Variants in STK32B observed in about 807,000 individuals in gnomAD.
STK32B encodes serine/threonine kinase 32B.
A neutral mutation model predicts 52.6 loss-of-function variants in STK32B; 43 were observed. The ratio of observed to expected loss-of-function variants is 0.82; its 90% CI spans 0.64 to 1.05. STK32B has a LOEUF of 1.05. Ranked by LOEUF, STK32B falls within the 50% of genes least tolerant of loss-of-function variation. The probability of loss-of-function intolerance (pLI) is 0.00; values close to 1 mark genes in which losing one functional copy is unlikely to be tolerated. For missense variants in STK32B, 621 were observed against 534.6 expected (o/e 1.16, Z -1.59); for synonymous variants, 238 against 204.3 (o/e 1.17, Z -1.41).
chr4:5,121,045 C>A (rs948229816), intron 1 of STK32B, among the ~76,000 whole-genome samples: 26 of 152,208 alleles, frequency 1.7e-4, no homozygotes, highest in Non-Finnish European at 1.8e-4. Context: ...AGTGTACATT[C>A]AATCTAGTCA....
At chr4:5,288,910 T>A (rs1389156340) in intron 3 of STK32B, among the ~76,000 whole-genome samples, 1 of 152,230 alleles carries the variant, frequency 6.6e-6, no homozygotes, top group Non-Finnish European at 1.5e-5. Context: ...TATCTTGAGT[T>A]TAAAGCAAGT....
intron 3 of STK32B, among the ~76,000 whole-genome samples, chr4:5,267,662 T>C (rs1727143040): frequency 1.3e-5 from 2 of 152,238 alleles, no homozygotes; most frequent in Admixed American, 1.3e-4. Context: ...ATTCTGGTTA[T>C]GCAAGTCTCC....
At chr4:5,217,174 C>T (rs1473526962) in intron 3 of STK32B, among the ~76,000 whole-genome samples, 3 of 152,152 alleles carry the variant, frequency 2.0e-5, no homozygotes, top group Admixed American at 2.0e-4. Context: ...TTATACAATA[C>T]ATAATTTGAA....
chr4:5,393,554 A>G (rs546979684), intron 4 of STK32B, among the ~76,000 whole-genome samples: 21 of 152,234 alleles, frequency 1.4e-4, no homozygotes, highest in African/African-American at 4.6e-4. Context: ...GATGGTGGCA[A>G]AAGGCAAAGT....
At chr4:5,447,613 G>T (rs1190817094) in intron 7 of STK32B, among the ~76,000 whole-genome samples, 1 of 152,210 alleles carries the variant, frequency 6.6e-6, no homozygotes, top group Non-Finnish European at 1.5e-5. Context: ...TCTAGCCTAG[G>T]TGACAGAGTG....
Position 5,394,490 on chromosome 4 carries a change from T to C in STK32B, c.435-3717T>C, listed in dbSNP as rs1277235791. On this transcript the variant is annotated intron_variant, in intron 4 of 11. Coordinates refer to ENST00000282908, the MANE Select transcript of STK32B (RefSeq NM_018401.3). The surrounding 1 kb of genome is among the most constrained non-coding windows in gnomAD (Gnocchi z 4.2). Reference sequence around the variant, plus strand: ...TGCTTTACCCATAAAATGCTATTCTTATTAAATCCCAAGTGATTCAGATTC... The same window carrying C: ...TGCTTTACCCATAAAATGCTATTCTCATTAAATCCCAAGTGATTCAGATTC... 6.6e-6 allele frequency among the ~76,000 whole-genome samples: 1 copy of C among 152,212 alleles called. No homozygotes were observed. The highest frequency in any genetic ancestry group is 1.5e-5 in the Non-Finnish European group (1 of 68,042).
intron 3 of STK32B, among the ~76,000 whole-genome samples, chr4:5,177,892 T>G (rs992081273): frequency 1.3e-5 from 2 of 152,244 alleles, no homozygotes; most frequent in Non-Finnish European, 2.9e-5. Flanking sequence ...TCTGTGGCTT[T>G]GCAGGGTACA....
chr4:5,498,931 G>C lies in STK32B; in HGVS notation c.1107-14G>C. ...CATGCCGCACCACTAACTCAGATCT[G>C]TGCTTGTTTGCAGGCTCAGGAGGCA... On this transcript the variant is annotated splice_polypyrimidine_tract_variant and intron_variant, in intron 11 of 11. Transcript: ENST00000282908. 1 of 1,610,136 alleles carries C rather than the reference G, an allele frequency of 6.2e-7. No homozygotes were observed. The highest frequency in any genetic ancestry group is 8.5e-7 in the Non-Finnish European group (1 of 1,177,930).
intron 3 of STK32B, among the ~76,000 whole-genome samples, chr4:5,322,346 AC>A (rs1444454477): frequency 6.6e-6 from 1 of 152,106 alleles, no homozygotes; most frequent in African/African-American, 2.4e-5. Context: ...GCTGGCTGTT[AC>A]ATTTTTAAGA....
intron 3 of STK32B, among the ~76,000 whole-genome samples, chr4:5,240,188 T>C (rs1724921683): frequency 6.6e-6 from 1 of 152,130 alleles, no homozygotes; most frequent in African/African-American, 2.4e-5. Flanking sequence ...GGAATTTTTT[T>C]ACTCATCTCT....
intron 3 of STK32B, among the ~76,000 whole-genome samples, chr4:5,283,734 C>T (rs1728361572): frequency 6.6e-6 from 1 of 152,138 alleles, no homozygotes. Context: ...GAGTATTTTA[C>T]CTGGCAATCT....
chr4:5,452,279 G>C (rs139231804), intron 7 of STK32B, among the ~76,000 whole-genome samples: 1 of 152,184 alleles, frequency 6.6e-6, no homozygotes, highest in Non-Finnish European at 1.5e-5. Context: ...AGGCCAGCGA[G>C]TGGAGGGAGG....
At chr4:5,265,477 C>T (rs1726999997) in intron 3 of STK32B, among the ~76,000 whole-genome samples, 1 of 152,166 alleles carries the variant, frequency 6.6e-6, no homozygotes, top group South Asian at 2.1e-4. Flanking sequence ...CATCCATCCA[C>T]CTCCAGTTGG....
the STK32B span, among the ~76,000 whole-genome samples, chr4:5,029,610 C>G: frequency 1.3e-5 from 2 of 152,140 alleles, no homozygotes; most frequent in African/African-American, 2.4e-5. Context: ...ACCCATACAG[C>G]CTGGAAGCCG....
chr4:5,140,224 A>C, intron 2 of STK32B: 3 of 1,474,320 alleles, frequency 2.0e-6, no homozygotes, highest in Non-Finnish European at 2.7e-6. Flanking sequence ...GTTCCTTGAG[A>C]ATCTAAGTGA....
At chr4:5,123,344 C>G (rs1306229452) in intron 1 of STK32B, among the ~76,000 whole-genome samples, 1 of 152,202 alleles carries the variant, frequency 6.6e-6, no homozygotes, top group Non-Finnish European at 1.5e-5. Flanking sequence ...CTTGGAGCCT[C>G]ATGCAGCCGG....
chr4:5,382,005 A>G (rs1735963863), intron 4 of STK32B, among the ~76,000 whole-genome samples: 1 of 152,232 alleles, frequency 6.6e-6, no homozygotes, highest in African/African-American at 2.4e-5. Context: ...CTGATGTTGC[A>G]GTTCAAATCC....
chr4:5,051,964 C>A (rs1201407607), intron 1 of STK32B, 49 bp downstream of exon 1: 1 of 1,553,518 alleles, frequency 6.4e-7, no homozygotes, highest in Admixed American at 2.0e-5. Flanking sequence ...CATCCCCTTC[C>A]TCCACCACCC....
intron 1 of STK32B, among the ~76,000 whole-genome samples, chr4:5,087,570 ATAAT>A (rs143173925): frequency 2.3e-4 from 34 of 146,482 alleles, no homozygotes; most frequent in African/African-American, 9.4e-4. Flanking sequence ...CAAGGGACAA[ATAAT>A]TTGATAGATA....
Sources: allele counts gnomAD v4.1 joint callset (sites outside exome capture counted in the v4.1 genomes callset), GRCh38; gene constraint gnomAD v4.1.1; non-coding constraint Gnocchi (gnomAD v3.1); transcripts MANE v1.5; gene names NCBI Gene and HGNC (gene_info 2026-07-23, HGNC 2026-07-21).